The following PDGFD variants were observed in gnomAD, a reference collection of about 807,000 sequenced individuals.
PDGFD encodes the protein platelet derived growth factor D.
A neutral mutation model predicts 44.7 loss-of-function variants in PDGFD; 30 were observed. That is an observed-to-expected ratio of 0.67 (90% CI 0.50 to 0.91). The LOEUF is 0.91. Among genes scored for constraint, PDGFD ranks in the 40% least tolerant of loss-of-function variants. The probability of loss-of-function intolerance (pLI) is 0.00; values close to 1 mark genes in which losing one functional copy is unlikely to be tolerated. For synonymous variants in PDGFD, 173 were observed against 168.4 expected, an observed-to-expected ratio of 1.03 and a Z score of -0.21; for missense variants, 445 against 457.8, an observed-to-expected ratio of 0.97 and a Z score of 0.25.
intron 1 of PDGFD, among the ~76,000 whole-genome samples, chr11:104,077,264 CA>C (rs1160014579): frequency 2.0e-5 from 3 of 152,128 alleles, no homozygotes; most frequent in African/African-American, 7.2e-5. Flanking sequence ...TGACTGGTGA[CA>C]AGCCTGGAGA....
At position 104,163,805 on chromosome 11, in the gene PDGFD, A is replaced by G; in HGVS notation, c.123T>C (p.Asp41=). ...TAAAAAATAAAATGAGTCTCTTACC[A>G]TCTCGCCTGAGGTTGGCGTTGCGCA... is the stretch of plus-strand genomic sequence containing the variant. ...KALRNANLRR[D]ESNHLTDLYR... Residue 41 remains aspartate (D), a splice_region_variant and synonymous_variant, in exon 1 of 7, where the codon GAT becomes GAC. Coordinates refer to ENST00000393158, the MANE Select transcript of PDGFD (RefSeq NM_025208.5). 2 of 1,535,572 alleles carry G rather than the reference A, an allele frequency of 1.3e-6. No individual in the cohort carries two copies. Among genetic ancestry groups the G allele is most frequent in the Non-Finnish European group, 1.8e-6 (2 of 1,128,460 alleles).
At chr11:103,945,907 G>A (rs1485281446) in intron 4 of PDGFD, 1 of 152,170 alleles carries the variant, frequency 6.6e-6, no homozygotes, top group Non-Finnish European at 1.5e-5. Context: ...TTGATTTAGG[G>A]CAGTTGACAG....
At chr11:104,151,605 G>A (rs993593839) in intron 1 of PDGFD, among the ~76,000 whole-genome samples, 2 of 151,940 alleles carry the variant, frequency 1.3e-5, no homozygotes, top group Admixed American at 6.6e-5. Context: ...TAATTATTTC[G>A]CACATCACAC....
At chr11:104,153,500 G>A (rs1485192948) in intron 1 of PDGFD, among the ~76,000 whole-genome samples, 1 of 152,142 alleles carries the variant, frequency 6.6e-6, no homozygotes, top group East Asian at 1.9e-4. Context: ...TAACTGAGGA[G>A]GGTTGGGAGT....
chr11:104,085,186 C>T (rs936878008), intron 1 of PDGFD, among the ~76,000 whole-genome samples: 12 of 152,014 alleles, frequency 7.9e-5, no homozygotes, highest in African/African-American at 2.9e-4. Context: ...ACTATTCTGT[C>T]ACCACAAAGA....
chr11:103,950,433 A>C (rs1267664648), intron 3 of PDGFD, among the ~76,000 whole-genome samples: 4 of 151,142 alleles, frequency 2.6e-5, no homozygotes, highest in Non-Finnish European at 5.9e-5. Context: ...GTGTGGTGGC[A>C]TGTACCTGTA....
intron 3 of PDGFD, among the ~76,000 whole-genome samples, chr11:103,991,836 GT>G (rs1859458177): frequency 6.6e-6 from 1 of 152,180 alleles, no homozygotes; most frequent in African/African-American, 2.4e-5. Context: ...ATGTCATGCA[GT>G]ATTATCACCA....
At chr11:103,920,231 A>G (rs142150433) in intron 6 of PDGFD, among the ~76,000 whole-genome samples, 25 of 152,372 alleles carry the variant, frequency 1.6e-4, no homozygotes, top group African/African-American at 4.8e-4. Context: ...TGAAAATGCA[A>G]TCATGATATC....
At chr11:103,930,467 T>A (rs552001218) in intron 5 of PDGFD, among the ~76,000 whole-genome samples, 5 of 151,802 alleles carry the variant, frequency 3.3e-5, no homozygotes, top group East Asian at 1.9e-4. Flanking sequence ...CATGAGTGCA[T>A]GAAATACTCA....
intron 1 of PDGFD, among the ~76,000 whole-genome samples, chr11:104,043,822 G>T (rs1860398042): frequency 6.6e-6 from 1 of 152,098 alleles, no homozygotes; most frequent in Non-Finnish European, 1.5e-5. Flanking sequence ...ACTCAGTACT[G>T]CGGGGAGCAC....
intron 1 of PDGFD, among the ~76,000 whole-genome samples, chr11:104,083,359 G>A (rs1031786350): frequency 1.3e-5 from 2 of 152,082 alleles, no homozygotes; most frequent in Non-Finnish European, 2.9e-5. Flanking sequence ...TAAAGAACCC[G>A]GCTTATAAGT....
At chr11:103,928,998 C>T (rs1242706360) in intron 5 of PDGFD, among the ~76,000 whole-genome samples, 3 of 152,144 alleles carry the variant, frequency 2.0e-5, no homozygotes, top group African/African-American at 2.4e-5. Context: ...TTGTCTAACA[C>T]GGAGGACTAA....
intron 3 of PDGFD, among the ~76,000 whole-genome samples, chr11:103,975,788 G>A (rs554386989): frequency 8.6e-5 from 13 of 151,994 alleles, no homozygotes; most frequent in South Asian, 8.3e-4. Context: ...CAGGTTTGTC[G>A]AAGATCAGAT....
intron 3 of PDGFD, among the ~76,000 whole-genome samples, chr11:103,957,224 T>C (rs1858864954): frequency 6.6e-6 from 1 of 152,202 alleles, no homozygotes; most frequent in South Asian, 2.1e-4. Context: ...CTATCTTGAA[T>C]TAATTTCTGT....
At chr11:104,147,002 T>TAAAAA (rs10700137) in intron 1 of PDGFD, among the ~76,000 whole-genome samples, 37 of 133,750 alleles carry the variant, frequency 2.8e-4, no homozygotes, top group African/African-American at 1.0e-3. Context: ...CGGGGCATAC[T>TAAAAA]AAAAAAAAAA....
chr11:104,037,099 C>T (rs778186886), intron 1 of PDGFD: 3 of 1,614,068 alleles, frequency 1.9e-6, no homozygotes, highest in African/African-American at 1.3e-5. Flanking sequence ...GAACCAGCCT[C>T]GTGTAGACTT....
At chr11:104,163,474 C>T (rs1862417559) in intron 1 of PDGFD, among the ~76,000 whole-genome samples, 1 of 152,146 alleles carries the variant, frequency 6.6e-6, no homozygotes, top group Non-Finnish European at 1.5e-5. Flanking sequence ...CAAGGGGCGG[C>T]GCAGCTTGCA....
chr11:104,048,015 A>G (rs1860471333), intron 1 of PDGFD, among the ~76,000 whole-genome samples: 1 of 152,054 alleles, frequency 6.6e-6, no homozygotes, highest in African/African-American at 2.4e-5. Flanking sequence ...ATACAAATGA[A>G]TAATCTAGTG....
chr11:103,990,865 C>G (rs1218353892), intron 3 of PDGFD, among the ~76,000 whole-genome samples: 1 of 152,032 alleles, frequency 6.6e-6, no homozygotes. Flanking sequence ...TAGGGCCAGG[C>G]GCGGTGGTTC....
Sources: allele counts gnomAD v4.1 joint callset (sites outside exome capture counted in the v4.1 genomes callset), GRCh38; gene constraint gnomAD v4.1.1; transcripts MANE v1.5; gene names NCBI Gene and HGNC (gene_info 2026-07-23, HGNC 2026-07-21).